Variants in PHF24 observed in about 807,000 individuals in gnomAD.
PHF24 encodes Galpha inhibitory interacting protein.
Under a neutral mutation model 42.6 loss-of-function variants are expected in PHF24, and 25 were observed. That is an observed-to-expected ratio of 0.59 (90% confidence interval 0.43 to 0.82). The LOEUF (loss-of-function observed/expected upper bound fraction) is 0.82. Ranked by LOEUF, PHF24 falls within the 40% of genes least tolerant of loss-of-function variation. The pLI is 0.00. For missense variants in PHF24, 470 were observed against 538.1 expected (o/e 0.87, Z 1.25); for synonymous variants, 185 against 204.8 (o/e 0.90, Z 0.83).
At chr9:34,745,729 T>C in the PHF24 span, among the ~76,000 whole-genome samples, 5 of 150,578 alleles carry the variant, frequency 3.3e-5, no homozygotes, top group Non-Finnish European at 7.4e-5. Context: ...TAACAAATAA[T>C]GAAGATGCAT....
At chr9:34,916,147 C>T in the PHF24 span, among the ~76,000 whole-genome samples, 2 of 152,172 alleles carry the variant, frequency 1.3e-5, no homozygotes, top group Non-Finnish European at 2.9e-5. Flanking sequence ...TGGGATATTT[C>T]TTCATAGCAG....
chr9:34,976,031 G>C (rs754555278), intron 3 of PHF24, 121 bp from the exon 4 acceptor site: 8 of 710,944 alleles, frequency 1.1e-5, no homozygotes, highest in Non-Finnish European at 2.0e-5. Context: ...TTGTGAATAG[G>C]AGGCTGGGAT....
chr9:34,866,098 C>G, the PHF24 span, among the ~76,000 whole-genome samples: 1 of 152,192 alleles, frequency 6.6e-6, no homozygotes, highest in Non-Finnish European at 1.5e-5. Flanking sequence ...GCCACCCTGT[C>G]CTCAGAATAT....
chr9:34,947,106 G>T, the PHF24 span, among the ~76,000 whole-genome samples: 1 of 152,182 alleles, frequency 6.6e-6, no homozygotes, highest in Non-Finnish European at 1.5e-5. Context: ...TTGTCACAGG[G>T]TGAGCTTGAG....
intron 1 of PHF24, among the ~76,000 whole-genome samples, chr9:34,959,956 C>T (rs1371364046): frequency 1.3e-5 from 2 of 152,234 alleles, no homozygotes; most frequent in Non-Finnish European, 2.9e-5. Context: ...ACTCAGGACA[C>T]TTTTGCCCAA....
At chr9:34,870,542 C>T in the PHF24 span, among the ~76,000 whole-genome samples, 6 of 150,760 alleles carry the variant, frequency 4.0e-5, no homozygotes, top group South Asian at 2.1e-4. Context: ...AGATTGATTT[C>T]GTTCACTTAG....
the PHF24 span, among the ~76,000 whole-genome samples, chr9:34,848,696 G>A: frequency 2.2e-4 from 33 of 151,496 alleles, no homozygotes; most frequent in African/African-American, 8.0e-4. Context: ...TGATATTAGG[G>A]TGTCCATTTT....
At chr9:34,724,058 C>G in the PHF24 span, 3 of 1,515,644 alleles carry the variant, frequency 2.0e-6, no homozygotes, top group African/African-American at 2.7e-5. Flanking sequence ...ATCCCCTTCT[C>G]TGTGGTCCCT....
the PHF24 span, among the ~76,000 whole-genome samples, chr9:34,944,765 G>GAACC: frequency 6.6e-6 from 1 of 151,874 alleles, no homozygotes; most frequent in African/African-American, 2.4e-5. Context: ...AATCCCAGCT[G>GAACC]TTTGGGAACC....
chr9:34,977,676 C>T (rs1319086810), intron 7 of PHF24, 35 bp downstream of exon 7: 1 of 1,501,874 alleles, frequency 6.7e-7, no homozygotes, highest in Admixed American at 1.9e-5. Flanking sequence ...CATTTGTACC[C>T]TCTGAACCCC....
the PHF24 span, chr9:34,894,576 C>A: frequency 2.5e-6 from 1 of 398,236 alleles, no homozygotes; most frequent in Non-Finnish European, 4.4e-6. Context: ...AAGCTGAAGG[C>A]CTTTTAATGA....
chr9:34,887,241 C>A, the PHF24 span, among the ~76,000 whole-genome samples: 7 of 152,268 alleles, frequency 4.6e-5, no homozygotes, highest in South Asian at 1.2e-3. Flanking sequence ...ACCGGAGTAA[C>A]CTTACAACTA....
the PHF24 span, among the ~76,000 whole-genome samples, chr9:34,764,874 T>C: frequency 7.3e-5 from 11 of 151,414 alleles, no homozygotes; most frequent in East Asian, 1.4e-3. Flanking sequence ...GCTTTGAATG[T>C]GTCCCAGAGA....
the PHF24 span, among the ~76,000 whole-genome samples, chr9:34,671,658 T>G: frequency 6.6e-6 from 1 of 152,368 alleles, no homozygotes; most frequent in South Asian, 2.1e-4. Flanking sequence ...GGAGGAGAAC[T>G]GGGTCAGTGT....
At chr9:34,847,259 A>G in the PHF24 span, among the ~76,000 whole-genome samples, 727 of 152,134 alleles carry the variant, frequency 4.8e-3, 11 homozygotes, top group African/African-American at 0.017. Flanking sequence ...ATTTGTTTGT[A>G]TCCTCTTTTA....
chr9:34,846,463 A>G, the PHF24 span, among the ~76,000 whole-genome samples: 2 of 151,370 alleles, frequency 1.3e-5, no homozygotes, highest in Admixed American at 1.3e-4. Context: ...TTTTTCTTGT[A>G]AATTTGTTTG....
At chr9:34,692,785 C>CTT in the PHF24 span, among the ~76,000 whole-genome samples, 815 of 120,032 alleles carry the variant, frequency 6.8e-3, 22 homozygotes, top group Non-Finnish European at 8.9e-3. Context: ...TTCTTTTGTC[C>CTT]TTTTTTTTTT....
At chr9:34,774,466 G>C in the PHF24 span, among the ~76,000 whole-genome samples, 1 of 152,134 alleles carries the variant, frequency 6.6e-6, no homozygotes, top group East Asian at 1.9e-4. Flanking sequence ...TTTCTTTAAA[G>C]AAGATATAGA....
chr9:34,699,623 A>G, the PHF24 span, among the ~76,000 whole-genome samples: 17 of 152,232 alleles, frequency 1.1e-4, no homozygotes, highest in African/African-American at 4.1e-4. Flanking sequence ...ATTCAATTTC[A>G]ATACCATCTG....
Sources: allele counts gnomAD v4.1 joint callset (sites outside exome capture counted in the v4.1 genomes callset), GRCh38; gene constraint gnomAD v4.1.1; transcripts MANE v1.5; gene names NCBI Gene and HGNC (gene_info 2026-07-23, HGNC 2026-07-21).